Variants in MME observed in about 807,000 individuals in gnomAD.
The protein encoded by MME is membrane metalloendopeptidase, also known as neprilysin.
A neutral mutation model predicts 113.2 loss-of-function variants in MME; 98 were observed. That is an observed-to-expected ratio of 0.87 (90% CI 0.74 to 1.02). The LOEUF is 1.02. Ranked by LOEUF, MME falls within the 50% of genes least tolerant of loss-of-function variation. The pLI is 0.00. For missense variants in MME, 836 were observed against 896.0 expected (o/e 0.93, Z 0.86); for synonymous variants, 292 against 300.6 (o/e 0.97, Z 0.30).
intron 1 of MME, among the ~76,000 whole-genome samples, chr3:155,068,571 T>A (rs1262676328): frequency 6.6e-6 from 1 of 152,244 alleles, no homozygotes. Context: ...TTTGTTTCTA[T>A]ACTTTTAACT....
At chr3:155,070,397 A>C (rs1714513199) in intron 1 of MME, among the ~76,000 whole-genome samples, 1 of 152,216 alleles carries the variant, frequency 6.6e-6, no homozygotes, top group Admixed American at 6.5e-5. Flanking sequence ...CACTATGTAC[A>C]TACATCTGCA....
At chr3:155,162,575 T>C (rs1227910213) in intron 17 of MME, among the ~76,000 whole-genome samples, 1 of 152,172 alleles carries the variant, frequency 6.6e-6, no homozygotes, top group African/African-American at 2.4e-5. Flanking sequence ...TCTTTTCATA[T>C]GCTTGCCTGG....
intron 22 of MME, among the ~76,000 whole-genome samples, chr3:155,174,431 T>C (rs901355891): frequency 2.0e-5 from 3 of 151,294 alleles, no homozygotes; most frequent in African/African-American, 7.3e-5. Flanking sequence ...TCAAGGAAAT[T>C]ATTGTTTTCT....
At chr3:155,049,663 C>CTA (rs1289828994) in intron 1 of MME, among the ~76,000 whole-genome samples, 3 of 136,486 alleles carry the variant, frequency 2.2e-5, no homozygotes, top group African/African-American at 8.1e-5. Flanking sequence ...ATCTATCTAT[C>CTA]TATCTATCTA....
chr3:155,099,229 G>C (rs1369982647), intron 3 of MME, among the ~76,000 whole-genome samples: 1 of 152,178 alleles, frequency 6.6e-6, no homozygotes, highest in African/African-American at 2.4e-5. Context: ...AGGGCCACCT[G>C]TCTGGCATAT....
At chr3:155,055,216 C>G (rs1713884978) in intron 1 of MME, among the ~76,000 whole-genome samples, 1 of 152,148 alleles carries the variant, frequency 6.6e-6, no homozygotes, top group African/African-American at 2.4e-5. Context: ...GGAATACATA[C>G]AGTAGTAAGA....
rs549801636 is a variant in MME at position 155,110,587 on chromosome 3, G to T, written c.197-4407G>T. ...AAGAAAATGGTGTCATTTATTATCA[G>T]CTCGAAACATTCAGAATTGTCATTT... On this transcript the variant is annotated intron_variant, in intron 3 of 22. Coordinates refer to ENST00000360490, the MANE Select transcript of MME (RefSeq NM_007289.4). 3.5e-4 allele frequency among the ~76,000 whole-genome samples: 53 copies of T among 152,276 alleles called. 1 individual carries two copies. The highest frequency in any genetic ancestry group is 1.1e-3 in the African/African-American group (45 of 41,552).
At position 155,048,556 on chromosome 3, in the gene MME, C is replaced by T. The variant is rs955465778; in HGVS notation, c.-11+24232C>T. On this transcript the variant is annotated intron_variant, in intron 1 of 22. Transcript: ENST00000492661. ...AATTTTTTTTATTAATTCATTTCAT[C>T]AGAGCTCTAGAGACTTTGTGTCACT... Among the ~76,000 whole-genome samples the T allele has an allele frequency of 2.6e-5, 4 of 152,084 alleles. No homozygotes were observed. The East Asian group carries it at 7.7e-4, about 29-fold the overall frequency.
At chr3:155,046,519 C>T (rs1038290412) in intron 1 of MME, among the ~76,000 whole-genome samples, 1 of 152,112 alleles carries the variant, frequency 6.6e-6, no homozygotes, top group African/African-American at 2.4e-5. Flanking sequence ...GAAACCCCAT[C>T]TCTACTAAAA....
chr3:155,180,322 T>A (rs755575483), intron 22 of MME, 38 bp from the exon 23 acceptor site: 1 of 1,474,656 alleles, frequency 6.8e-7, no homozygotes, highest in African/African-American at 1.4e-5. Flanking sequence ...GACGTGAGTA[T>A]CAAATGCTGA....
At chr3:155,080,084 C>G (rs1056954429), upstream of MME, 3 of 153,416 alleles carry the variant, frequency 2.0e-5, no homozygotes, top group Non-Finnish European at 4.3e-5. Flanking sequence ...GGGACGGGCA[C>G]GGGGAGGGCA....
intron 22 of MME, among the ~76,000 whole-genome samples, chr3:155,179,415 G>A (rs1712858717): frequency 6.6e-6 from 1 of 152,172 alleles, no homozygotes; most frequent in African/African-American, 2.4e-5. Flanking sequence ...CATTCTGACT[G>A]TGGTGTGGAG....
intron 15 of MME, among the ~76,000 whole-genome samples, chr3:155,148,202 A>G (rs1437995524): frequency 6.6e-6 from 1 of 152,184 alleles, no homozygotes; most frequent in East Asian, 1.9e-4. Context: ...TGTAAAATTT[A>G]AAGTACTTAG....
At chr3:155,122,037 C>T (rs1719190616) in intron 8 of MME, among the ~76,000 whole-genome samples, 1 of 115,488 alleles carries the variant, frequency 8.7e-6, no homozygotes, top group African/African-American at 3.4e-5. Flanking sequence ...GCTGTGAATC[C>T]ATCTGGTCCT....
chr3:155,062,109 C>G (rs1306095949), intron 1 of MME, among the ~76,000 whole-genome samples: 1 of 152,072 alleles, frequency 6.6e-6, no homozygotes, highest in Admixed American at 6.6e-5. Context: ...ATTTCTTATT[C>G]AAAGTTGAAT....
chr3:155,026,736 C>A (rs1712799767), intron 1 of MME, among the ~76,000 whole-genome samples: 1 of 152,036 alleles, frequency 6.6e-6, no homozygotes, highest in African/African-American at 2.4e-5. Flanking sequence ...CCCCCACCTC[C>A]CCCAGAAAAG....
intron 1 of MME, among the ~76,000 whole-genome samples, chr3:155,034,662 A>C (rs1713073344): frequency 6.6e-6 from 1 of 152,182 alleles, no homozygotes; most frequent in Non-Finnish European, 1.5e-5. Flanking sequence ...TTTCATTTTG[A>C]AATAAACCCC....
At chr3:155,042,950 A>C in intron 1 of MME, among the ~76,000 whole-genome samples, 1 of 128,164 alleles carries the variant, frequency 7.8e-6, no homozygotes, top group Non-Finnish European at 1.6e-5. Flanking sequence ...GTATATATAT[A>C]TATATATATC....
chr3:155,107,370 A>G (rs973972249), intron 3 of MME, among the ~76,000 whole-genome samples: 38 of 151,600 alleles, frequency 2.5e-4, no homozygotes, highest in African/African-American at 8.9e-4. Context: ...AAAAAAAAAA[A>G]GGAATAGTCA....
Sources: gnomAD v4.1 joint callset for allele counts (sites outside exome capture counted in the v4.1 genomes callset) on GRCh38, gnomAD v4.1.1 for gene constraint, MANE v1.5 for transcripts, NCBI Gene and HGNC (gene_info 2026-07-23, HGNC 2026-07-21) for gene names.